Variants in LSAMP observed in about 807,000 individuals in gnomAD.
The protein encoded by LSAMP is limbic system associated membrane protein.
LSAMP carries 7 observed loss-of-function variants against 38.6 expected under a neutral mutation model. The ratio of observed to expected loss-of-function variants is 0.18; its 90% CI spans 0.10 to 0.34. The LOEUF (loss-of-function observed/expected upper bound fraction) is 0.34, where lower values mean the gene tolerates loss of function less well. Among genes scored for constraint, LSAMP ranks in the 10% least tolerant of loss-of-function variants. The pLI, the probability that LSAMP is intolerant of heterozygous loss-of-function variation, is 1.00. For missense variants in LSAMP, 313 were observed against 420.0 expected (o/e 0.75, Z 2.23); for synonymous variants, 154 against 166.8 (o/e 0.92, Z 0.59).
At chr3:115,934,146 G>A (rs1030934814) in intron 3 of LSAMP, among the ~76,000 whole-genome samples, 2 of 151,034 alleles carry the variant, frequency 1.3e-5, no homozygotes, top group Non-Finnish European at 1.5e-5. Context: ...TATAGTTGAT[G>A]TGGTGTTTTA....
At chr3:116,366,185 A>T (rs1202996011) in intron 1 of LSAMP, among the ~76,000 whole-genome samples, 1 of 151,974 alleles carries the variant, frequency 6.6e-6, no homozygotes, top group Non-Finnish European at 1.5e-5. Context: ...GAAAAAAAAA[A>T]TCTCATTCAA....
intron 1 of LSAMP, among the ~76,000 whole-genome samples, chr3:116,137,489 A>G (rs1316923887): frequency 1.3e-5 from 2 of 152,178 alleles, no homozygotes; most frequent in Non-Finnish European, 2.9e-5. Context: ...CATTACATGG[A>G]AATATTAAGA....
intron 1 of LSAMP, among the ~76,000 whole-genome samples, chr3:116,109,406 GAA>G (rs1708546376): frequency 6.6e-6 from 1 of 152,122 alleles, no homozygotes; most frequent in Admixed American, 6.6e-5. Flanking sequence ...AGGAAGATTA[GAA>G]AGACTCAGCA....
intron 2 of LSAMP, among the ~76,000 whole-genome samples, chr3:116,033,003 G>A (rs928692710): frequency 1.3e-5 from 2 of 152,116 alleles, no homozygotes; most frequent in African/African-American, 4.8e-5. Context: ...GTTTACTGAA[G>A]TTAGTTTTTT....
At chr3:116,346,272 T>C (rs2048061631) in intron 1 of LSAMP, among the ~76,000 whole-genome samples, 1 of 152,114 alleles carries the variant, frequency 6.6e-6, no homozygotes, top group Non-Finnish European at 1.5e-5. Context: ...CCCAATAAGA[T>C]TTTTTTCTCT....
At position 116,191,223 on chromosome 3, in the gene LSAMP, A is replaced by AAAAC. The variant is rs367819081; in HGVS notation, c.156-104671_156-104668dup. ...GGGCAATAGTGCAAGACTCTGTCTCAAAACAAACAAACAAACAAACAAAAC... is the reference window on the plus strand; with the variant it reads ...GGGCAATAGTGCAAGACTCTGTCTCAAAACAAACAAACAAACAAACAAACAAAAC... On this transcript the variant is annotated intron_variant, in intron 1 of 6. Coordinates refer to ENST00000490035, the MANE Select transcript of LSAMP (RefSeq NM_002338.5). Among the ~76,000 whole-genome samples the AAAAC allele has an allele frequency of 2.7e-4, 41 of 152,268 alleles. No homozygotes were observed. The South Asian group carries it at 3.5e-3, about 13-fold the overall frequency.
chr3:116,060,918 AAAAT>A (rs1254759468), intron 2 of LSAMP, among the ~76,000 whole-genome samples: 1 of 151,414 alleles, frequency 6.6e-6, no homozygotes, highest in Non-Finnish European at 1.5e-5. Context: ...TAAATAAAAT[AAAAT>A]AAAATAAAAT....
intron 1 of LSAMP, among the ~76,000 whole-genome samples, chr3:116,204,109 A>G (rs1448004571): frequency 3.3e-5 from 5 of 152,060 alleles, no homozygotes; most frequent in Non-Finnish European, 7.4e-5. Flanking sequence ...GGTGTGAGAT[A>G]GTATCTCATA....
intron 6 of LSAMP, among the ~76,000 whole-genome samples, chr3:115,839,886 C>T (rs1034052387): frequency 2.6e-5 from 4 of 152,216 alleles, no homozygotes; most frequent in African/African-American, 9.6e-5. Context: ...CAAACAGAAG[C>T]TCTGTAAGAT....
intron 1 of LSAMP, among the ~76,000 whole-genome samples, chr3:116,413,996 A>G (rs1327389063): frequency 6.6e-6 from 1 of 151,996 alleles, no homozygotes; most frequent in Non-Finnish European, 1.5e-5. Flanking sequence ...ATAGTTAATC[A>G]ATTCTAAGAA....
chr3:115,866,198 T>C (rs1935853549), intron 3 of LSAMP, among the ~76,000 whole-genome samples: 1 of 152,134 alleles, frequency 6.6e-6, no homozygotes. Flanking sequence ...ATTTGTAAAG[T>C]CTCAGCTCTG....
At chr3:116,318,473 C>G (rs1162574081) in intron 1 of LSAMP, among the ~76,000 whole-genome samples, 1 of 152,188 alleles carries the variant, frequency 6.6e-6, no homozygotes, top group East Asian at 1.9e-4. Flanking sequence ...ATTCACTACT[C>G]AGTAAGCCTC....
intron 1 of LSAMP, among the ~76,000 whole-genome samples, chr3:116,437,934 C>G (rs1489998413): frequency 6.6e-6 from 1 of 151,782 alleles, no homozygotes; most frequent in African/African-American, 2.4e-5. Flanking sequence ...ATCTCCAAGG[C>G]CTTTCCTATT....
At chr3:116,355,680 C>A (rs1158823460) in intron 1 of LSAMP, among the ~76,000 whole-genome samples, 8 of 152,078 alleles carry the variant, frequency 5.3e-5, no homozygotes, top group Non-Finnish European at 1.5e-5. Context: ...TATTTGCGAA[C>A]TATCCATCTG....
At chr3:116,200,624 T>C (rs1033301345) in intron 1 of LSAMP, among the ~76,000 whole-genome samples, 2 of 152,164 alleles carry the variant, frequency 1.3e-5, no homozygotes, top group Non-Finnish European at 2.9e-5. Context: ...CCCAGTTCCG[T>C]TTAAAACCCT....
intron 1 of LSAMP, among the ~76,000 whole-genome samples, chr3:116,422,214 G>C (rs1445908716): frequency 6.6e-6 from 1 of 152,162 alleles, no homozygotes; most frequent in African/African-American, 2.4e-5. Context: ...TTTATATGAA[G>C]TGTCCAGGAA....
intron 1 of LSAMP, among the ~76,000 whole-genome samples, chr3:116,422,409 C>A (rs2049140295): frequency 6.6e-6 from 1 of 152,078 alleles, no homozygotes; most frequent in Admixed American, 6.6e-5. Context: ...TATAAATAAT[C>A]TAGAGATGAT....
chr3:115,856,618 CAAA>C (rs554689672), intron 3 of LSAMP, among the ~76,000 whole-genome samples: 1 of 116,648 alleles, frequency 8.6e-6, no homozygotes. Flanking sequence ...GACTCCATCT[CAAA>C]AAAAAAAAAA....
At chr3:115,877,520 C>T (rs1230997903) in intron 3 of LSAMP, among the ~76,000 whole-genome samples, 1 of 151,878 alleles carries the variant, frequency 6.6e-6, no homozygotes, top group African/African-American at 2.4e-5. Flanking sequence ...AAAAACAGAA[C>T]GACAATGTAG....
Sources: gnomAD v4.1 joint callset for allele counts (sites outside exome capture counted in the v4.1 genomes callset) on GRCh38, gnomAD v4.1.1 for gene constraint, MANE v1.5 for transcripts, NCBI Gene and HGNC (gene_info 2026-07-23, HGNC 2026-07-21) for gene names.